TMEM63C: variants seen among roughly 807,000 people sequenced by gnomAD.
The protein encoded by TMEM63C is osmosensitive cation channel TMEM63C.
TMEM63C carries 32 observed loss-of-function variants against 99.2 expected under a neutral mutation model. That is an observed-to-expected ratio of 0.32 (90% CI 0.24 to 0.43). TMEM63C has a LOEUF of 0.43. Among genes scored for constraint, TMEM63C ranks in the 20% least tolerant of loss-of-function variants. The probability of loss-of-function intolerance (pLI) is 1.00; values close to 1 mark genes in which losing one functional copy is unlikely to be tolerated. For missense variants in TMEM63C, 826 were observed against 1,053.0 expected, an observed-to-expected ratio of 0.78 and a Z score of 2.98; for synonymous variants, 376 against 397.9, an observed-to-expected ratio of 0.94 and a Z score of 0.66.
At chr14:77,233,325 C>T (rs1409557231) in intron 7 of TMEM63C, 127 bp from the exon 8 acceptor site, 5 of 933,582 alleles carry the variant, frequency 5.4e-6, no homozygotes, top group Non-Finnish European at 8.3e-6. Flanking sequence ...CTCTGGGGAA[C>T]CAGAAGGAAG....
At chr14:77,244,548 TC>T in intron 16 of TMEM63C, 93 bp downstream of exon 16, 1 of 952,606 alleles carries the variant, frequency 1.0e-6, no homozygotes, top group South Asian at 1.4e-5. Flanking sequence ...GGGCCTCCCC[TC>T]TAGCCTAAGA....
At chr14:77,186,664 C>T (rs890800951) in intron 1 of TMEM63C, among the ~76,000 whole-genome samples, 1 of 151,960 alleles carries the variant, frequency 6.6e-6, no homozygotes, top group Non-Finnish European at 1.5e-5. Flanking sequence ...GCACTCCAGC[C>T]CAGACGACAG....
chr14:77,219,646 A>G, intron 4 of TMEM63C, 69 bp downstream of exon 4: 1 of 1,505,342 alleles, frequency 6.6e-7, no homozygotes. Context: ...GCCAGGACGC[A>G]GCTCTGCCCA....
chr14:77,253,091 G>A (rs1889397617), intron 22 of TMEM63C, among the ~76,000 whole-genome samples: 1 of 152,150 alleles, frequency 6.6e-6, no homozygotes, highest in African/African-American at 2.4e-5. Flanking sequence ...ATGGCCCTTG[G>A]GAATAGAACA....
rs1238306176 is a variant in TMEM63C at position 77,239,122 on chromosome 14, G to A, written c.726-290G>A. On this transcript the variant is annotated intron_variant, in intron 10 of 23. Coordinates refer to ENST00000298351, the MANE Select transcript of TMEM63C (RefSeq NM_020431.4). ...CCAAGTTCCCAGCCCCAAGGACACT[G>A]TTCACTGAGCTAATTATCTCTTCGT... is the stretch of plus-strand genomic sequence containing the variant. Among the ~76,000 whole-genome samples the A allele has an allele frequency of 2.6e-5, 4 of 152,348 alleles. No homozygotes were observed. In the East Asian group the frequency reaches 7.7e-4, roughly 29 times the overall value.
chr14:77,233,445 C>T lies in TMEM63C; in HGVS notation c.494-7C>T, dbSNP rs1467573909. ...GGCTCGAGGTCAGCAACTTCTTTCT[C>T]TTTCAGACTGGAGCAGTCACTTTGC... is the stretch of plus-strand genomic sequence containing the variant. On this transcript the variant is annotated splice_polypyrimidine_tract_variant and splice_region_variant and intron_variant, in intron 7 of 23. Coordinates refer to ENST00000298351, the MANE Select transcript of TMEM63C (RefSeq NM_020431.4). 1.7e-5 allele frequency: 28 copies of T among 1,612,904 alleles called. No homozygotes were observed. Among genetic ancestry groups the T allele is most frequent in the East Asian group, 2.2e-5 (1 of 44,894 alleles).
intron 13 of TMEM63C, among the ~76,000 whole-genome samples, chr14:77,241,681 G>A (rs1434784638): frequency 6.6e-6 from 1 of 152,208 alleles, no homozygotes; most frequent in East Asian, 1.9e-4. Context: ...ACTGATATCT[G>A]TCCTGTTCAC....
chr14:77,248,095 C>T (rs1200502822), intron 18 of TMEM63C, among the ~76,000 whole-genome samples: 1 of 152,180 alleles, frequency 6.6e-6, no homozygotes, highest in African/African-American at 2.4e-5. Context: ...CCCTAACACA[C>T]CCATGCTTTA....
chr14:77,192,655 G>A (rs1015503057), intron 1 of TMEM63C, among the ~76,000 whole-genome samples: 11 of 152,240 alleles, frequency 7.2e-5, no homozygotes, highest in South Asian at 4.2e-4. Context: ...GCAGCTACTC[G>A]GGAGGCTGAG....
At chr14:77,230,890 G>A (rs1048816624) in intron 6 of TMEM63C, among the ~76,000 whole-genome samples, 4 of 152,218 alleles carry the variant, frequency 2.6e-5, no homozygotes, top group Non-Finnish European at 5.9e-5. Context: ...TTTCCAGTTT[G>A]AGGACGTTAC....
chr14:77,207,031 G>A (rs1404907261), intron 1 of TMEM63C, among the ~76,000 whole-genome samples: 4 of 152,146 alleles, frequency 2.6e-5, no homozygotes, highest in Admixed American at 2.6e-4. Flanking sequence ...CAGCTCCCAG[G>A]GGCCTGGGTG....
At chr14:77,234,382 G>T (rs1404996317) in intron 8 of TMEM63C, among the ~76,000 whole-genome samples, 1 of 152,238 alleles carries the variant, frequency 6.6e-6, no homozygotes, top group Non-Finnish European at 1.5e-5. Flanking sequence ...ATCCTCCCCT[G>T]AGGATGCCAA....
rs551699396 is a variant in TMEM63C at position 77,248,794 on chromosome 14, C to T, written c.1792C>T (p.Arg598Cys). 17 of 1,614,004 alleles carry T rather than the reference C, an allele frequency of 1.1e-5. No homozygotes were observed. The highest frequency in any genetic ancestry group is 6.7e-5 in the African/African-American group (5 of 75,046). The part of the protein sequence containing the change: ...KNQAIDFQFG[R>C]EYAWMMNVFS... ...CCAGGCCATAGACTTCCAGTTTGGGCGTGAGTATGCGTGGATGATGAACGT... is the reference window on the plus strand; with the variant it reads ...CCAGGCCATAGACTTCCAGTTTGGGTGTGAGTATGCGTGGATGATGAACGT... The change falls in exon 20 of 24, where the codon CGT (arginine) becomes TGT (cysteine). Residue 598 changes from arginine (R) to cysteine (C), a missense_variant. Arg to Cys is a radical substitution (Grantham distance 180). Coordinates refer to ENST00000298351, the MANE Select transcript of TMEM63C (RefSeq NM_020431.4).
intron 2 of TMEM63C, among the ~76,000 whole-genome samples, chr14:77,215,289 T>C (rs1300975845): frequency 6.6e-6 from 1 of 152,080 alleles, no homozygotes; most frequent in Non-Finnish European, 1.5e-5. Flanking sequence ...TGAGACCTCA[T>C]TCCTTCTTTT....
intron 17 of TMEM63C, 111 bp downstream of exon 17, chr14:77,246,137 A>C: frequency 1.2e-6 from 1 of 846,052 alleles, no homozygotes; most frequent in Non-Finnish European, 2.0e-6. Context: ...CCACTCCTCA[A>C]AGACAGCCCC....
At chr14:77,211,993 A>T (rs1285935038) in intron 1 of TMEM63C, among the ~76,000 whole-genome samples, 5 of 152,222 alleles carry the variant, frequency 3.3e-5, no homozygotes. Flanking sequence ...TCTGTGGGAT[A>T]GTGGATGGAC....
At chr14:77,191,771 C>T (rs1303881043) in intron 1 of TMEM63C, among the ~76,000 whole-genome samples, 2 of 151,764 alleles carry the variant, frequency 1.3e-5, no homozygotes, top group South Asian at 2.1e-4. Context: ...CTCGAACTCC[C>T]GACCTCAGGT....
Position 77,258,660 on chromosome 14 carries a change from A to G in TMEM63C, c.*1934A>G, listed in dbSNP as rs1889520607. 6.6e-6 allele frequency: 1 copy of G among 152,314 alleles called. No homozygotes were observed. The highest frequency in any genetic ancestry group is 2.1e-4 in the South Asian group (1 of 4,840). The allele number at this position is 152,314 out of a possible 1,614,324, so 9.4% of individuals were successfully genotyped here. A position where few individuals can be genotyped will look rare whatever the true frequency, so the allele number is the denominator to read the frequency against. On this transcript the variant is annotated 3_prime_UTR_variant, in exon 24 of 24. Coordinates refer to ENST00000298351, the MANE Select transcript of TMEM63C (RefSeq NM_020431.4). ...GTCAGGCCCAGCAGGAGCTTGGCAC[A>G]TGATGGGGAGGTGGCCAGCTCCAGG...
intron 1 of TMEM63C, among the ~76,000 whole-genome samples, chr14:77,203,516 A>G (rs1860188422): frequency 6.6e-6 from 1 of 152,208 alleles, no homozygotes. Flanking sequence ...GGAGACACAC[A>G]GGAGGCAGCA....
Sources: gnomAD v4.1 joint callset for allele counts (sites outside exome capture counted in the v4.1 genomes callset) on GRCh38, gnomAD v4.1.1 for gene constraint, MANE v1.5 for transcripts, NCBI Gene and HGNC (gene_info 2026-07-23, HGNC 2026-07-21) for gene names.